NTM: variants seen among roughly 807,000 people sequenced by gnomAD.
NTM encodes the protein IgLON family member 2.
In NTM, 13 loss-of-function variants were observed where a neutral mutation model predicts 42.1. The ratio of observed to expected loss-of-function variants is 0.31; its 90% CI spans 0.20 to 0.49. The LOEUF is 0.49. Among genes scored for constraint, NTM ranks in the 20% least tolerant of loss-of-function variants. The pLI, the probability that NTM is intolerant of heterozygous loss-of-function variation, is 0.99. For synonymous variants in NTM, 187 were observed against 179.2 expected (o/e 1.04, Z -0.35); for missense variants, 373 against 452.8 (o/e 0.82, Z 1.60).
intron 3 of NTM, among the ~76,000 whole-genome samples, chr11:132,150,280 C>T (rs1248496904): frequency 1.3e-5 from 2 of 152,154 alleles, no homozygotes; most frequent in Non-Finnish European, 2.9e-5. Flanking sequence ...ATTTATGCTC[C>T]ATCCCCATGG....
chr11:131,587,473 G>A (rs966768764), intron 1 of NTM, among the ~76,000 whole-genome samples: 3 of 151,330 alleles, frequency 2.0e-5, no homozygotes, highest in African/African-American at 7.3e-5. Context: ...GCCTTACTTC[G>A]AAGTCCATAC....
chr11:131,495,221 G>A (rs951628959), intron 1 of NTM, among the ~76,000 whole-genome samples: 1 of 152,110 alleles, frequency 6.6e-6, no homozygotes, highest in Non-Finnish European at 1.5e-5. Context: ...TGGTCCCAGG[G>A]GACAGCCAGC....
intron 1 of NTM, among the ~76,000 whole-genome samples, chr11:131,875,804 T>C (rs2048454125): frequency 6.6e-6 from 1 of 152,166 alleles, no homozygotes; most frequent in Non-Finnish European, 1.5e-5. Context: ...AAGAGCTCTT[T>C]CCCACTCATG....
chr11:131,957,648 C>T (rs1163345991), intron 2 of NTM, among the ~76,000 whole-genome samples: 1 of 152,186 alleles, frequency 6.6e-6, no homozygotes, highest in Non-Finnish European at 1.5e-5. Flanking sequence ...AGTGTAAGAG[C>T]ATTTTAATTG....
At chr11:131,430,793 A>G (rs550686869) in intron 1 of NTM, among the ~76,000 whole-genome samples, 1 of 152,252 alleles carries the variant, frequency 6.6e-6, no homozygotes, top group South Asian at 2.1e-4. Context: ...GTCTCCCTGC[A>G]GGCTACAGCA....
chr11:131,526,994 C>T (rs1393306941), intron 1 of NTM, among the ~76,000 whole-genome samples: 1 of 152,186 alleles, frequency 6.6e-6, no homozygotes, highest in East Asian at 1.9e-4. Context: ...CATGTTGCAG[C>T]CAGGAGCAGT....
At chr11:132,147,785 G>A (rs554169322) in intron 3 of NTM, among the ~76,000 whole-genome samples, 3 of 152,038 alleles carry the variant, frequency 2.0e-5, no homozygotes, top group Middle Eastern at 3.2e-3. Flanking sequence ...TCCCCTTGTC[G>A]GTGTGTTCAA....
At chr11:131,548,225 A>C (rs189181070) in intron 1 of NTM, among the ~76,000 whole-genome samples, 49 of 152,298 alleles carry the variant, frequency 3.2e-4, no homozygotes, top group African/African-American at 1.1e-3. Flanking sequence ...CTTTAATCTT[A>C]GCAAGAATTT....
chr11:131,609,780 C>A lies in NTM; in HGVS notation c.82+238892C>A, dbSNP rs553875417. Among the ~76,000 whole-genome samples the A allele has an allele frequency of 3.3e-5, 5 of 152,296 alleles. No homozygotes were observed. In the South Asian group the frequency reaches 1.0e-3, roughly 32 times the overall value. ...ATGCTTCTGTCTTCAACCCTTCTAC[C>A]CAGTCCCTAGTTCACTTAATATAAA... On this transcript the variant is annotated intron_variant, in intron 1 of 8. Coordinates refer to ENST00000683400, the MANE Select transcript of NTM (RefSeq NM_001352005.2).
At chr11:132,255,636 CAG>C (rs141572363) in intron 4 of NTM, among the ~76,000 whole-genome samples, 31 of 152,338 alleles carry the variant, frequency 2.0e-4, no homozygotes, top group African/African-American at 7.0e-4. Context: ...AAATTCGCAA[CAG>C]GTAAGCCAGC....
chr11:131,830,519 G>T (rs189103169), intron 1 of NTM, among the ~76,000 whole-genome samples: 1 of 152,204 alleles, frequency 6.6e-6, no homozygotes, highest in Non-Finnish European at 1.5e-5. Context: ...CTGTTCCATT[G>T]GTCTATATGT....
chr11:132,237,668 A>G (rs957327526), intron 4 of NTM, among the ~76,000 whole-genome samples: 2 of 151,906 alleles, frequency 1.3e-5, no homozygotes, highest in African/African-American at 4.9e-5. Flanking sequence ...TCTCTCTGGA[A>G]CCCACAGGCA....
chr11:132,048,069 G>C (rs1301583229), intron 2 of NTM, among the ~76,000 whole-genome samples: 1 of 151,762 alleles, frequency 6.6e-6, no homozygotes, highest in South Asian at 2.1e-4. Context: ...TGCCTGCTCT[G>C]CTTAGCTATG....
chr11:131,427,934 G>T (rs1423205297), intron 1 of NTM, among the ~76,000 whole-genome samples: 2 of 152,080 alleles, frequency 1.3e-5, no homozygotes, highest in South Asian at 2.1e-4. Context: ...ATCTGTTGAG[G>T]TTTCATCCTT....
intron 1 of NTM, among the ~76,000 whole-genome samples, chr11:131,801,402 C>G (rs1250459086): frequency 6.6e-6 from 1 of 152,152 alleles, no homozygotes; most frequent in Admixed American, 6.5e-5. Flanking sequence ...GGGGCCCACT[C>G]ATTCACTCCC....
intron 1 of NTM, among the ~76,000 whole-genome samples, chr11:131,433,957 C>A (rs1948902450): frequency 6.6e-6 from 1 of 152,178 alleles, no homozygotes; most frequent in Non-Finnish European, 1.5e-5. Context: ...TATCCCCAAC[C>A]CCACAATAGG....
chr11:131,390,024 T>A (rs1943807766), intron 1 of NTM, among the ~76,000 whole-genome samples: 1 of 152,086 alleles, frequency 6.6e-6, no homozygotes, highest in Non-Finnish European at 1.5e-5. Context: ...CCATTTGCAT[T>A]GCTATGAAGG....
intron 1 of NTM, among the ~76,000 whole-genome samples, chr11:131,768,375 C>T (rs1476466957): frequency 6.6e-6 from 1 of 152,142 alleles, no homozygotes; most frequent in Non-Finnish European, 1.5e-5. Flanking sequence ...GCCTCGGCCT[C>T]TCAAAGTGCT....
At chr11:132,283,096 C>T (rs1377542553) in intron 4 of NTM, among the ~76,000 whole-genome samples, 1 of 150,556 alleles carries the variant, frequency 6.6e-6, no homozygotes. Flanking sequence ...AAGCGATTCT[C>T]CTGCCTCAGC....
Sources: gnomAD v4.1 joint callset for allele counts (sites outside exome capture counted in the v4.1 genomes callset) on GRCh38, gnomAD v4.1.1 for gene constraint, MANE v1.5 for transcripts, NCBI Gene and HGNC (gene_info 2026-07-23, HGNC 2026-07-21) for gene names.